The following MORC2 variants were observed in gnomAD, a reference collection of about 807,000 sequenced individuals.
MORC2 encodes ATPase MORC2.
Under a neutral mutation model 136.0 loss-of-function variants are expected in MORC2, and 30 were observed. The ratio of observed to expected loss-of-function variants is 0.22; its 90% confidence interval spans 0.17 to 0.30. MORC2 has a LOEUF of 0.30. Among genes scored for constraint, MORC2 ranks in the 10% least tolerant of loss-of-function variants. MORC2 has a pLI of 1.00. For missense variants in MORC2, 922 were observed against 1,333.1 expected (o/e 0.69, Z 4.80); for synonymous variants, 439 against 487.0 (o/e 0.90, Z 1.30).
rs201366129 is a variant in MORC2, at chr22:30,937,843, C to T, written c.1341G>A (p.Leu447=). The change falls in exon 14 of 26, where the codon CTG becomes CTA. Residue 447 remains leucine, a synonymous_variant. Coordinates refer to ENST00000397641, the MANE Select transcript of MORC2 (RefSeq NM_001303256.3). This position sits in a 1 kb window ranked among gnomAD's most constrained non-coding sequence, Gnocchi z 4.7. ...RHLLRAMGEH[L]AQYWKDIAIA... is the part of the protein sequence containing the mutation. ...TGGCAATATCCTTCCAATACTGCGC[C>T]AGGTGCTCCCCCATTGCTCGGAGCA... 1.2e-6 allele frequency: 2 copies of T among 1,614,170 alleles called. No individual in the cohort carries two copies. The highest frequency in any genetic ancestry group is 1.7e-5 in the Admixed American group (1 of 60,026).
In MORC2 at chr22:30,950,528, T is replaced by C. The variant is rs2040872974; in HGVS notation, c.158-83A>G. 2.2e-6 allele frequency: 3 copies of C among 1,378,710 alleles called. No individual in the cohort carries two copies. In the Admixed American group the frequency reaches 5.5e-5, roughly 25 times the overall value. 85.4% of individuals were successfully genotyped at this position (1,378,710 alleles called of 1,614,324 possible). A position where few individuals can be genotyped will look rare whatever the true frequency, so the allele number is the denominator to read the frequency against. ...CCTATGATCAGAAGGCAGATCAATG[T>C]GAAGCTTGGTCCAAAAAGGTCAGGT... On this transcript the variant is annotated intron_variant, in intron 3 of 25. Coordinates refer to ENST00000397641, the MANE Select transcript of MORC2 (RefSeq NM_001303256.3).
chr22:30,956,642 G>C, intron 3 of MORC2, 121 bp downstream of exon 3: 1 of 813,864 alleles, frequency 1.2e-6, no homozygotes, highest in Non-Finnish European at 2.0e-6. Flanking sequence ...CTATGACCTG[G>C]AATAATCATG....
Position 30,934,229 on chromosome 22 carries a change from T to A in MORC2, c.2194-38A>T, listed in dbSNP as rs781637141. The A allele has an allele frequency of 6.2e-7, 1 of 1,613,604 alleles. No individual in the cohort carries two copies. The highest frequency in any genetic ancestry group is 1.1e-5 in the South Asian group (1 of 91,018). On this transcript the variant is annotated intron_variant, in intron 19 of 25. Coordinates refer to ENST00000397641, the MANE Select transcript of MORC2 (RefSeq NM_001303256.3). The surrounding 1 kb of genome is among the most constrained non-coding windows in gnomAD (Gnocchi z 4.4). ...GAGCGTGAGGATGTGAGGGGCCCTG[T>A]TCAGCCTCTAAGGAGCAGGAAGATT...
At chr22:30,948,999 C>T (rs971309757) in intron 5 of MORC2, among the ~76,000 whole-genome samples, 5 of 152,172 alleles carry the variant, frequency 3.3e-5, no homozygotes, top group African/African-American at 1.2e-4. Flanking sequence ...CAAACCACCA[C>T]CCTCCCTCAA....
chr22:30,927,164 C>CTG (rs1181045692), intron 25 of MORC2, among the ~76,000 whole-genome samples: 2 of 152,132 alleles, frequency 1.3e-5, no homozygotes, highest in Admixed American at 6.5e-5. Flanking sequence ...TCTCCCTTCT[C>CTG]TGTCACTGCC....
At chr22:30,960,171 T>C (rs2041022953) in intron 1 of MORC2, among the ~76,000 whole-genome samples, 1 of 152,188 alleles carries the variant, frequency 6.6e-6, no homozygotes, top group Non-Finnish European at 1.5e-5. Flanking sequence ...TTCACCATGT[T>C]GGCCAGGCTG....
intron 24 of MORC2, among the ~76,000 whole-genome samples, chr22:30,928,823 T>C (rs1220011190): frequency 6.6e-6 from 1 of 152,246 alleles, no homozygotes; most frequent in Non-Finnish European, 1.5e-5. Context: ...TCAAATGAAA[T>C]GTCACATGGA....
At chr22:30,964,736 T>A (rs1035371976) in intron 1 of MORC2, among the ~76,000 whole-genome samples, 1 of 152,178 alleles carries the variant, frequency 6.6e-6, no homozygotes, top group Admixed American at 6.5e-5. Context: ...CTTAAAAAGC[T>A]GAAGTAACCA....
In MORC2 at chr22:30,937,558, G is replaced by A. The variant is rs773151405; in HGVS notation, c.1498+25C>T. 15 of 1,607,686 alleles carry A rather than the reference G, an allele frequency of 9.3e-6. No homozygotes were observed. Among genetic ancestry groups the A allele is most frequent in the Admixed American group, 3.4e-5 (2 of 59,512 alleles). On this transcript the variant is annotated intron_variant, in intron 15 of 25. Transcript: ENST00000397641. This position sits in a 1 kb window ranked among gnomAD's most constrained non-coding sequence, Gnocchi z 4.7. ...GCTTGTGGGCTGATGGAAATGAGTC[G>A]GGGGGGTCCAACCACCCAACTCACC...
intron 3 of MORC2, among the ~76,000 whole-genome samples, chr22:30,953,266 T>G (rs1024005113): frequency 6.6e-6 from 1 of 152,222 alleles, no homozygotes; most frequent in Non-Finnish European, 1.5e-5. Context: ...GGGGGTTGTA[T>G]GTTCCCCGCC....
At chr22:30,954,968 T>C (rs1240026185) in intron 3 of MORC2, among the ~76,000 whole-genome samples, 2 of 149,770 alleles carry the variant, frequency 1.3e-5, no homozygotes, top group African/African-American at 2.5e-5. Flanking sequence ...TTTTTTTTTT[T>C]TTTTTTTGAG....
At chr22:30,958,576 A>C in intron 2 of MORC2, 65 bp downstream of exon 2, 1 of 1,339,448 alleles carries the variant, frequency 7.5e-7, no homozygotes, top group Non-Finnish European at 1.0e-6. Context: ...TTCAGAGAGC[A>C]AAGGTCACAG....
At chr22:30,958,226 A>T (rs538461442) in intron 2 of MORC2, among the ~76,000 whole-genome samples, 6 of 152,252 alleles carry the variant, frequency 3.9e-5, no homozygotes, top group Non-Finnish European at 7.3e-5. Context: ...CAATTTGAGA[A>T]GACACAGAAC....
At chr22:30,944,471 C>T (rs2040787284) in intron 6 of MORC2, among the ~76,000 whole-genome samples, 1 of 152,082 alleles carries the variant, frequency 6.6e-6, no homozygotes, top group Non-Finnish European at 1.5e-5. Context: ...CCCCCTTCTC[C>T]TCTCCCCGAC....
At chr22:30,944,232 T>C (rs1208113188) in intron 6 of MORC2, among the ~76,000 whole-genome samples, 1 of 152,208 alleles carries the variant, frequency 6.6e-6, no homozygotes, top group African/African-American at 2.4e-5. Context: ...AATCTCAACC[T>C]AGCCTCTCCA....
In MORC2 at chr22:30,958,713, A is replaced by C. The variant is rs1161988445; in HGVS notation, c.69-19T>G. ...AGTGGTTCTGAAATGATAAATACTA[A>C]AAGTCAGCAAAAGAATTATTGAAGT... On this transcript the variant is annotated intron_variant, in intron 1 of 25. Coordinates refer to ENST00000397641, the MANE Select transcript of MORC2 (RefSeq NM_001303256.3). 62 of 1,519,510 alleles carry C rather than the reference A, an allele frequency of 4.1e-5. No homozygotes were observed. The highest frequency in any genetic ancestry group is 5.4e-5 in the Non-Finnish European group (61 of 1,120,250). The allele number at this position is 1,519,510 out of a possible 1,614,324, so 94.1% of individuals were successfully genotyped here.
rs534030105 is a variant in MORC2, at chr22:30,961,975, C to T, written c.69-3281G>A. Among the ~76,000 whole-genome samples, 805 of 152,036 alleles carry T rather than the reference C, an allele frequency of 5.3e-3. 4 individuals carry two copies. Among genetic ancestry groups the T allele is most frequent in the African/African-American group, 0.018 (760 of 41,446 alleles). On this transcript the variant is annotated intron_variant, in intron 1 of 25. Transcript: ENST00000397641. ...CTTTGGGAGGCCGAGGTGGGTGGAT[C>T]GCTTGAACTCAGGAGTTTGAGACCA...
In MORC2 at chr22:30,937,101, T is replaced by G. The variant is rs1023500871; in HGVS notation, c.1499-64A>C. 1.7e-6 allele frequency: 2 copies of G among 1,206,712 alleles called. No homozygotes were observed. Among genetic ancestry groups the G allele is most frequent in the East Asian group, 4.7e-5 (2 of 42,404 alleles). The allele number at this position is 1,206,712 out of a possible 1,614,324, so 74.8% of individuals were successfully genotyped here. On this transcript the variant is annotated intron_variant, in intron 15 of 25. Coordinates refer to ENST00000397641, the MANE Select transcript of MORC2 (RefSeq NM_001303256.3). This position sits in a 1 kb window ranked among gnomAD's most constrained non-coding sequence, Gnocchi z 4.7. ...CACCAACTCTATCTGTAATCCGGGT[T>G]CCTCACAGGCCCACCACAATGATGC...
intron 4 of MORC2, among the ~76,000 whole-genome samples, 175 bp downstream of exon 4, chr22:30,950,202 C>T (rs1172243664): frequency 6.6e-6 from 1 of 152,166 alleles, no homozygotes; most frequent in Non-Finnish European, 1.5e-5. Context: ...CAAGACCTGG[C>T]AAATACATTA....
Sources: gnomAD v4.1 joint callset for allele counts (sites outside exome capture counted in the v4.1 genomes callset) on GRCh38, gnomAD v4.1.1 for gene constraint, Gnocchi (gnomAD v3.1) non-coding constraint, MANE v1.5 for transcripts, NCBI Gene and HGNC (gene_info 2026-07-23, HGNC 2026-07-21) for gene names.